Variants in FOXP2 observed in about 807,000 individuals in gnomAD.
FOXP2 encodes the protein forkhead box protein P2.
FOXP2 carries 12 observed loss-of-function variants against 115.8 expected under a neutral mutation model. That is an observed-to-expected ratio of 0.10 (90% CI 0.07 to 0.17). The LOEUF (loss-of-function observed/expected upper bound fraction) is 0.17, where lower values mean the gene tolerates loss of function less well. FOXP2 is among the 10% of genes least tolerant of loss of function. The probability of loss-of-function intolerance (pLI) is 1.00; values close to 1 mark genes in which losing one functional copy is unlikely to be tolerated. For missense variants in FOXP2, 629 were observed against 843.5 expected (o/e 0.75, Z 3.15); for synonymous variants, 328 against 297.7 (o/e 1.10, Z -1.05).
chr7:114,623,746 A>G (rs538853454), intron 3 of FOXP2, among the ~76,000 whole-genome samples: 1 of 151,958 alleles, frequency 6.6e-6, no homozygotes, highest in African/African-American at 2.4e-5. Flanking sequence ...CAAGGTAACT[A>G]AATGAATACT....
intron 2 of FOXP2, among the ~76,000 whole-genome samples, chr7:114,295,591 A>G (rs1465567789): frequency 2.0e-5 from 3 of 152,164 alleles, no homozygotes; most frequent in Non-Finnish European, 4.4e-5. Flanking sequence ...CTCATTTTAA[A>G]CTGTTGGCAA....
At chr7:114,589,087 A>G (rs963038954) in intron 3 of FOXP2, among the ~76,000 whole-genome samples, 2 of 152,210 alleles carry the variant, frequency 1.3e-5, no homozygotes, top group South Asian at 2.1e-4. Context: ...AATAATCGTC[A>G]TCAGACTGCT....
At chr7:114,190,957 A>G (rs1230396442) in intron 1 of FOXP2, among the ~76,000 whole-genome samples, 1 of 152,132 alleles carries the variant, frequency 6.6e-6, no homozygotes, top group African/African-American at 2.4e-5. Context: ...AACAGCTTAA[A>G]TCAGTCCTCT....
intron 1 of FOXP2, among the ~76,000 whole-genome samples, chr7:114,276,590 C>T (rs1455290721): frequency 6.6e-6 from 1 of 152,082 alleles, no homozygotes; most frequent in Non-Finnish European, 1.5e-5. Flanking sequence ...ATACCTGGGT[C>T]CCCCTGGAGT....
At chr7:114,466,385 T>C (rs574245408) in intron 2 of FOXP2, among the ~76,000 whole-genome samples, 1 of 152,334 alleles carries the variant, frequency 6.6e-6, no homozygotes, top group South Asian at 2.1e-4. Flanking sequence ...AATCCATTTC[T>C]TCTTTGTTCA....
At chr7:114,642,330 AT>A in intron 6 of FOXP2, 79 bp from the exon 7 acceptor site, 1 of 1,094,238 alleles carries the variant, frequency 9.1e-7, no homozygotes, top group Non-Finnish European at 1.4e-6. Context: ...GTTGGTATTA[AT>A]CTATTAATAA....
intron 1 of FOXP2, among the ~76,000 whole-genome samples, chr7:114,235,902 A>C (rs1341983282): frequency 1.3e-5 from 2 of 152,210 alleles, no homozygotes; most frequent in South Asian, 2.1e-4. Context: ...TCTGTAAAGC[A>C]TTCTTTGATT....
chr7:114,581,811 T>G (rs1238137677), intron 3 of FOXP2, among the ~76,000 whole-genome samples: 1 of 152,340 alleles, frequency 6.6e-6, no homozygotes, highest in Non-Finnish European at 1.5e-5. Flanking sequence ...GGAAGAGATT[T>G]GTTTTAACCT....
At chr7:114,184,445 A>G (rs1793540891) in intron 1 of FOXP2, among the ~76,000 whole-genome samples, 1 of 152,118 alleles carries the variant, frequency 6.6e-6, no homozygotes, top group African/African-American at 2.4e-5. Context: ...ATTTTTAGCT[A>G]TAGGACATTG....
chr7:114,497,080 T>A (rs1000747018), intron 2 of FOXP2, among the ~76,000 whole-genome samples: 1 of 152,214 alleles, frequency 6.6e-6, no homozygotes, highest in African/African-American at 2.4e-5. Context: ...TTACTCAGTC[T>A]ATGAGTTCAA....
chr7:114,537,001 C>A (rs1242911702), intron 3 of FOXP2, among the ~76,000 whole-genome samples: 1 of 151,508 alleles, frequency 6.6e-6, no homozygotes, highest in Non-Finnish European at 1.5e-5. Flanking sequence ...TACTAGCTTA[C>A]ACATCTGTTG....
chr7:114,415,620 T>C (rs925563282), intron 1 of FOXP2, among the ~76,000 whole-genome samples: 1 of 151,922 alleles, frequency 6.6e-6, no homozygotes, highest in Non-Finnish European at 1.5e-5. Flanking sequence ...AGAAGGCCTC[T>C]TTTGTATTAA....
chr7:114,199,564 C>T (rs142800181), intron 1 of FOXP2, among the ~76,000 whole-genome samples: 2,378 of 152,218 alleles, frequency 0.016, 36 homozygotes, highest in Middle Eastern at 0.041. Flanking sequence ...GACACAGTAG[C>T]AGCAAGTCAC....
At chr7:114,220,593 C>G (rs1794595782) in intron 1 of FOXP2, among the ~76,000 whole-genome samples, 1 of 152,108 alleles carries the variant, frequency 6.6e-6, no homozygotes, top group African/African-American at 2.4e-5. Context: ...TTCCCTACTT[C>G]CCTTTGGTGA....
intron 2 of FOXP2, among the ~76,000 whole-genome samples, chr7:114,331,913 C>T (rs927065083): frequency 1.3e-5 from 2 of 152,112 alleles, no homozygotes; most frequent in Non-Finnish European, 2.9e-5. Context: ...TCCCAAAATG[C>T]TAGGATTACA....
chr7:114,193,731 A>T (rs1793825752), intron 1 of FOXP2, among the ~76,000 whole-genome samples: 1 of 152,068 alleles, frequency 6.6e-6, no homozygotes, highest in South Asian at 2.1e-4. Context: ...GTTGAGAACC[A>T]TTGTGTTTGA....
chr7:114,551,560 C>T (rs1247836014), intron 3 of FOXP2, among the ~76,000 whole-genome samples: 1 of 151,950 alleles, frequency 6.6e-6, no homozygotes, highest in African/African-American at 2.4e-5. Flanking sequence ...TTCTTTAAAA[C>T]TTATTTAGGT....
chr7:114,420,159 G>T (rs1367781811), intron 1 of FOXP2, among the ~76,000 whole-genome samples: 1 of 151,830 alleles, frequency 6.6e-6, no homozygotes, highest in African/African-American at 2.4e-5. Context: ...AAGATATGTG[G>T]CAGGAAAGGT....
rs375087236 is a variant in FOXP2 at position 114,378,638 on chromosome 7, C to T, written c.-10-47864C>T. On this transcript the variant is annotated intron_variant, in intron 2 of 17. Coordinates refer to the FOXP2 transcript ENST00000634411. ...GTTTAAGGCTGCAGTGAGCCATACT[C>T]GAACCACTGCACTCCAGCCTGTGAG... 4.5e-4 allele frequency among the ~76,000 whole-genome samples: 58 copies of T among 130,182 alleles called. 1 individual carries two copies. Among genetic ancestry groups the T allele is most frequent in the African/African-American group, 1.5e-3 (53 of 34,734 alleles). 85.4% of individuals were successfully genotyped at this position (130,182 alleles called of 152,430 possible).
Sources: gnomAD v4.1 joint callset for allele counts (sites outside exome capture counted in the v4.1 genomes callset) on GRCh38, gnomAD v4.1.1 for gene constraint, MANE v1.5 for transcripts, NCBI Gene and HGNC (gene_info 2026-07-23, HGNC 2026-07-21) for gene names.